Variants in XKR6 observed in about 807,000 individuals in gnomAD.
The protein encoded by XKR6 is XK-related protein 6.
XKR6 carries 22 observed loss-of-function variants against 56.7 expected under a neutral mutation model. The observed-to-expected ratio is 0.39, with a 90% CI of 0.28 to 0.55. The LOEUF (loss-of-function observed/expected upper bound fraction) is 0.55, where lower values mean the gene tolerates loss of function less well. XKR6 is among the 20% of genes least tolerant of loss of function. XKR6 has a pLI of 0.66. For missense variants in XKR6, 852 were observed against 889.0 expected, an observed-to-expected ratio of 0.96 and a Z score of 0.53; for synonymous variants, 524 against 387.8, an observed-to-expected ratio of 1.35 and a Z score of -4.13.
intron 1 of XKR6, among the ~76,000 whole-genome samples, chr8:10,974,704 C>A (rs1187713075): frequency 6.6e-6 from 1 of 152,170 alleles, no homozygotes; most frequent in Non-Finnish European, 1.5e-5. Flanking sequence ...AGAAAAGTTA[C>A]CCCAGTGAGG....
At chr8:10,909,461 G>C (rs1462682246) in intron 2 of XKR6, among the ~76,000 whole-genome samples, 1 of 152,078 alleles carries the variant, frequency 6.6e-6, no homozygotes, top group Non-Finnish European at 1.5e-5. Flanking sequence ...TCCTGCTTTT[G>C]GTTTTTTATT....
At chr8:10,991,311 C>T (rs1797988414) in intron 1 of XKR6, among the ~76,000 whole-genome samples, 2 of 152,162 alleles carry the variant, frequency 1.3e-5, no homozygotes, top group African/African-American at 4.8e-5. Flanking sequence ...TCCAGGGTCA[C>T]AATCCACTGT....
intron 1 of XKR6, among the ~76,000 whole-genome samples, chr8:11,061,027 C>T (rs1039732428): frequency 6.6e-6 from 1 of 152,172 alleles, no homozygotes; most frequent in African/African-American, 2.4e-5. Context: ...ATTCTGAAGC[C>T]AACGTCTACC....
intron 1 of XKR6, among the ~76,000 whole-genome samples, chr8:11,048,577 A>T (rs1027486658): frequency 3.9e-5 from 6 of 152,052 alleles, no homozygotes; most frequent in African/African-American, 1.4e-4. Flanking sequence ...AAACCTGGAG[A>T]TGTGTATTTT....
At chr8:11,090,405 G>T (rs1046240732) in intron 1 of XKR6, among the ~76,000 whole-genome samples, 4 of 148,000 alleles carry the variant, frequency 2.7e-5, no homozygotes, top group East Asian at 4.0e-4. Flanking sequence ...CTTTTTAATG[G>T]TTTTTTTTTT....
chr8:11,038,559 G>A (rs1338384208), intron 1 of XKR6, among the ~76,000 whole-genome samples: 1 of 149,310 alleles, frequency 6.7e-6, no homozygotes, highest in Admixed American at 6.7e-5. Context: ...GTTTGAGGCA[G>A]GGTCTCGCTC....
At chr8:11,006,378 C>T (rs545414571) in intron 1 of XKR6, among the ~76,000 whole-genome samples, 2 of 152,188 alleles carry the variant, frequency 1.3e-5, no homozygotes, top group South Asian at 2.1e-4. Context: ...GTGTGCTGCC[C>T]CTATGGTCAC....
intron 1 of XKR6, among the ~76,000 whole-genome samples, chr8:11,150,763 G>A (rs2116973328): frequency 6.7e-6 from 1 of 150,106 alleles, no homozygotes; most frequent in Non-Finnish European, 1.5e-5. Context: ...TGAGGTAGAA[G>A]AGTCGCTTGA....
At chr8:10,965,022 C>G (rs1274374189) in intron 1 of XKR6, among the ~76,000 whole-genome samples, 1 of 152,240 alleles carries the variant, frequency 6.6e-6, no homozygotes, top group Non-Finnish European at 1.5e-5. Context: ...TTTCCTCTCT[C>G]TTAAAGGGAC....
chr8:11,133,326 G>A (rs904571483), intron 1 of XKR6, among the ~76,000 whole-genome samples: 2 of 152,118 alleles, frequency 1.3e-5, no homozygotes, highest in Non-Finnish European at 2.9e-5. Flanking sequence ...AGGTGGAAGT[G>A]CACTGTAGCA....
At chr8:11,137,450 T>C (rs1298745251) in intron 1 of XKR6, 2 of 412,512 alleles carry the variant, frequency 4.8e-6, no homozygotes, top group East Asian at 7.1e-5. Flanking sequence ...GACAGTCCCT[T>C]ACATCTTCAG....
intron 1 of XKR6, among the ~76,000 whole-genome samples, chr8:10,995,405 A>G (rs989474652): frequency 5.4e-5 from 8 of 147,876 alleles, no homozygotes; most frequent in Non-Finnish European, 1.0e-4. Context: ...GTAGATATAT[A>G]TATCTACTAT....
At chr8:11,134,333 T>C (rs1337322110) in intron 1 of XKR6, among the ~76,000 whole-genome samples, 1 of 152,196 alleles carries the variant, frequency 6.6e-6, no homozygotes, top group Non-Finnish European at 1.5e-5. Flanking sequence ...TTCTGTCATA[T>C]GTATCTTTGG....
chr8:11,186,025 CCTT>C (rs1383382043), intron 1 of XKR6, among the ~76,000 whole-genome samples: 1 of 152,178 alleles, frequency 6.6e-6, no homozygotes, highest in Admixed American at 6.5e-5. Flanking sequence ...GCATCAGAGG[CCTT>C]CTGTGGCTAC....
intron 1 of XKR6, among the ~76,000 whole-genome samples, chr8:10,950,284 T>C (rs1223901199): frequency 2.0e-5 from 3 of 152,166 alleles, no homozygotes; most frequent in African/African-American, 7.2e-5. Flanking sequence ...CTCCTCTAGG[T>C]CCCTGCTGAA....
intron 1 of XKR6, among the ~76,000 whole-genome samples, chr8:11,026,410 A>G (rs1210979007): frequency 6.6e-6 from 1 of 151,478 alleles, no homozygotes; most frequent in East Asian, 1.9e-4. Flanking sequence ...AGCCTACTAC[A>G]CACCTAGATG....
intron 1 of XKR6, among the ~76,000 whole-genome samples, chr8:11,024,214 TGTGTGTGTGTGTGTGTGTG>T (rs1798811562): frequency 1.4e-5 from 1 of 69,596 alleles, no homozygotes; most frequent in South Asian, 3.7e-4. Flanking sequence ...GGTGTGTGTG[TGTGTGTGTGTGTGTGTGTG>T]TGTGTGTGTG....
chr8:10,914,383 G>C (rs1284904648), intron 2 of XKR6, among the ~76,000 whole-genome samples: 2 of 152,176 alleles, frequency 1.3e-5, no homozygotes, highest in Non-Finnish European at 2.9e-5. Flanking sequence ...AAACTCCTGG[G>C]CTTTCCTTGC....
chr8:11,112,283 G>C (rs563281114), intron 1 of XKR6, among the ~76,000 whole-genome samples: 318 of 152,264 alleles, frequency 2.1e-3, no homozygotes, highest in Non-Finnish European at 3.4e-3. Flanking sequence ...CATACTTTTA[G>C]AAACTATTTT....
Sources: allele counts gnomAD v4.1 joint callset (sites outside exome capture counted in the v4.1 genomes callset), GRCh38; gene constraint gnomAD v4.1.1; transcripts MANE v1.5; gene names NCBI Gene and HGNC (gene_info 2026-07-23, HGNC 2026-07-21).